Variants in EYS observed in about 807,000 individuals in gnomAD.
EYS encodes EGF-like photoreceptor maintenance factor.
A neutral mutation model predicts 282.1 loss-of-function variants in EYS; 250 were observed. The observed-to-expected ratio is 0.89, with a 90% CI of 0.80 to 0.98. EYS has a LOEUF of 0.98. Ranked by LOEUF, EYS falls within the 50% of genes least tolerant of loss-of-function variation. The probability of loss-of-function intolerance (pLI) is 0.00; values close to 1 mark genes in which losing one functional copy is unlikely to be tolerated. For missense variants in EYS, 4,016 were observed against 3,709.0 expected (o/e 1.08, Z -2.15); for synonymous variants, 1,355 against 1,282.9 (o/e 1.06, Z -1.20).
At chr6:64,791,757 G>A (rs1774199567) in intron 22 of EYS, among the ~76,000 whole-genome samples, 1 of 151,756 alleles carries the variant, frequency 6.6e-6, no homozygotes, top group South Asian at 2.1e-4. Flanking sequence ...TCTTAAGCTT[G>A]AGACACATAT....
intron 33 of EYS, among the ~76,000 whole-genome samples, chr6:64,046,803 T>C (rs1770641899): frequency 6.6e-6 from 1 of 152,224 alleles, no homozygotes; most frequent in Admixed American, 6.5e-5. Flanking sequence ...TGTTTCCATA[T>C]TTACTACCTC....
chr6:65,208,341 T>A (rs1176406197), intron 12 of EYS, among the ~76,000 whole-genome samples: 1 of 151,818 alleles, frequency 6.6e-6, no homozygotes, highest in Non-Finnish European at 1.5e-5. Flanking sequence ...GGAACACTTA[T>A]AAACAGTTGA....
chr6:64,255,714 T>C (rs920083454), intron 30 of EYS, among the ~76,000 whole-genome samples: 1 of 152,030 alleles, frequency 6.6e-6, no homozygotes, highest in Admixed American at 6.6e-5. Flanking sequence ...TATGTGTAAG[T>C]GTGTGTATGT....
intron 12 of EYS, among the ~76,000 whole-genome samples, chr6:65,194,917 C>T (rs1182689629): frequency 1.3e-5 from 2 of 149,056 alleles, no homozygotes; most frequent in African/African-American, 4.9e-5. Context: ...GGTTTATATT[C>T]TCAAAGAAGA....
chr6:64,626,045 T>A, intron 23 of EYS, 76 bp downstream of exon 23: 1 of 874,244 alleles, frequency 1.1e-6, no homozygotes, highest in Middle Eastern at 3.5e-4. Context: ...GTATTATACA[T>A]ACATGTCCAT....
At chr6:64,385,116 A>G (rs551630950) in intron 29 of EYS, among the ~76,000 whole-genome samples, 13 of 152,342 alleles carry the variant, frequency 8.5e-5, no homozygotes, top group African/African-American at 3.1e-4. Context: ...CACAATGATT[A>G]GATAGAGCCT....
At chr6:64,563,716 A>G (rs1272029309) in intron 26 of EYS, among the ~76,000 whole-genome samples, 1 of 152,192 alleles carries the variant, frequency 6.6e-6, no homozygotes, top group Non-Finnish European at 1.5e-5. Flanking sequence ...TCTTTTCTCA[A>G]GGAATTGACA....
chr6:64,455,396 T>G (rs1339285738), intron 26 of EYS, among the ~76,000 whole-genome samples: 1 of 152,050 alleles, frequency 6.6e-6, no homozygotes, highest in Non-Finnish European at 1.5e-5. Context: ...ACTTTTAAGC[T>G]TTCACATTTG....
intron 22 of EYS, among the ~76,000 whole-genome samples, chr6:64,759,938 C>G (rs1389455038): frequency 6.6e-6 from 1 of 152,122 alleles, no homozygotes; most frequent in African/African-American, 2.4e-5. Context: ...AATATTTAAA[C>G]CTTTGTACAA....
At chr6:64,950,834 T>TA (rs1491182951) in intron 14 of EYS, among the ~76,000 whole-genome samples, 8,962 of 80,152 alleles carry the variant, frequency 0.11, 1,026 homozygotes, top group African/African-American at 0.15. Flanking sequence ...TATATATATA[T>TA]TGTTGAATTG....
At chr6:65,468,474 C>T (rs945353743) in intron 5 of EYS, among the ~76,000 whole-genome samples, 2 of 151,802 alleles carry the variant, frequency 1.3e-5, no homozygotes, top group African/African-American at 2.4e-5. Context: ...TAACAGCCAG[C>T]CTTTAAAGTT....
chr6:64,843,034 C>T (rs962985535), intron 19 of EYS, among the ~76,000 whole-genome samples: 3 of 152,082 alleles, frequency 2.0e-5, no homozygotes, highest in African/African-American at 7.2e-5. Flanking sequence ...CATCACAGAC[C>T]CAGAATGCTA....
chr6:65,499,348 A>C (rs188441159), intron 2 of EYS, among the ~76,000 whole-genome samples: 4 of 152,148 alleles, frequency 2.6e-5, no homozygotes, highest in African/African-American at 4.8e-5. Context: ...ATAGGCATTC[A>C]ATTAAAGATA....
chr6:65,592,248 G>A (rs929983046), intron 2 of EYS, among the ~76,000 whole-genome samples: 40 of 151,850 alleles, frequency 2.6e-4, no homozygotes, highest in Middle Eastern at 6.8e-3. Flanking sequence ...AGAGTAAAAG[G>A]CAACTTAATT....
intron 16 of EYS, among the ~76,000 whole-genome samples, chr6:64,903,382 GA>G (rs1014141258): frequency 1.3e-5 from 2 of 152,096 alleles, no homozygotes; most frequent in African/African-American, 4.8e-5. Context: ...GAGGAACAAA[GA>G]GTCATTCAGG....
At chr6:64,973,606 G>T (rs923557016) in intron 14 of EYS, among the ~76,000 whole-genome samples, 2 of 151,902 alleles carry the variant, frequency 1.3e-5, no homozygotes, top group South Asian at 4.1e-4. Flanking sequence ...TATTATTTTT[G>T]AATGAGTGCA....
At chr6:64,701,180 A>G (rs1287120996) in intron 22 of EYS, among the ~76,000 whole-genome samples, 1 of 152,094 alleles carries the variant, frequency 6.6e-6, no homozygotes, top group Non-Finnish European at 1.5e-5. Flanking sequence ...GCCGAATAAC[A>G]TAACTGGATC....
intron 12 of EYS, among the ~76,000 whole-genome samples, chr6:65,064,252 A>G (rs1423930785): frequency 7.7e-6 from 1 of 129,830 alleles, no homozygotes; most frequent in Non-Finnish European, 1.5e-5. Context: ...TATATATGAT[A>G]TATATATCAT....
intron 31 of EYS, among the ~76,000 whole-genome samples, chr6:64,201,522 C>T (rs1358930980): frequency 6.6e-6 from 1 of 152,012 alleles, no homozygotes; most frequent in African/African-American, 2.4e-5. Context: ...CTTTTGCTGT[C>T]TGAGAGTGCC....
Sources: allele counts gnomAD v4.1 joint callset (sites outside exome capture counted in the v4.1 genomes callset), GRCh38; gene constraint gnomAD v4.1.1; transcripts MANE v1.5; gene names NCBI Gene and HGNC (gene_info 2026-07-23, HGNC 2026-07-21).